Variants in TTLL8 observed in about 807,000 individuals in gnomAD.
TTLL8 encodes protein monoglycylase TTLL8.
A neutral mutation model predicts 77.8 loss-of-function variants in TTLL8; 65 were observed. That is an observed-to-expected ratio of 0.84 (90% CI 0.68 to 1.03). The LOEUF is 1.03. Ranked by LOEUF, TTLL8 falls within the 50% of genes least tolerant of loss-of-function variation. The probability of loss-of-function intolerance (pLI) is 0.00; values close to 1 mark genes in which losing one functional copy is unlikely to be tolerated. For missense variants in TTLL8, 910 were observed against 1,004.5 expected, an observed-to-expected ratio of 0.91 and a Z score of 1.27; for synonymous variants, 402 against 422.8, an observed-to-expected ratio of 0.95 and a Z score of 0.60.
intron 1 of TTLL8, 128 bp from the exon 4 acceptor site, chr22:50,050,375 CTTTT>C (rs137913): frequency 5.7e-4 from 204 of 357,012 alleles, no homozygotes; most frequent in East Asian, 1.3e-3. Context: ...CCAATATGTC[CTTTT>C]TTTTTTTTTT....
rs774988175 is a variant in TTLL8 at position 50,034,942 on chromosome 22, G to C, written c.922-480C>G. On this transcript the variant is annotated intron_variant, in intron 8 of 13. Transcript: ENST00000266182. This position sits in a 1 kb window ranked among gnomAD's most constrained non-coding sequence, Gnocchi z 4.1. Reference sequence around the variant, plus strand: ...GGCCCGTGCAGGCCTCCTGTGTCCCGGCCAGCTGCCAGCACCACATCCTGG... The same window carrying C: ...GGCCCGTGCAGGCCTCCTGTGTCCCCGCCAGCTGCCAGCACCACATCCTGG... 9.2e-5 allele frequency among the ~76,000 whole-genome samples: 14 copies of C among 152,216 alleles called. No homozygotes were observed. Among genetic ancestry groups the C allele is most frequent in the Admixed American group, 1.3e-4 (2 of 15,290 alleles).
At chr22:50,018,950 T>A (rs995987816) in intron 12 of TTLL8, among the ~76,000 whole-genome samples, 159 bp from the exon 14 acceptor site, 4 of 152,186 alleles carry the variant, frequency 2.6e-5, no homozygotes, top group African/African-American at 9.7e-5. Context: ...GAGGAATGTA[T>A]GTAGTAAATC....
chr22:50,052,071 GTC>G (rs1425183766), intron 1 of TTLL8, among the ~76,000 whole-genome samples: 1 of 151,962 alleles, frequency 6.6e-6, no homozygotes, highest in East Asian at 1.9e-4. Flanking sequence ...GGAACCCCGA[GTC>G]TGAGTCCCAG....
chr22:50,051,856 A>C (rs1281329262), intron 1 of TTLL8, among the ~76,000 whole-genome samples: 1 of 152,284 alleles, frequency 6.6e-6, no homozygotes, highest in East Asian at 1.9e-4. Context: ...ATTGAAAAAT[A>C]AGTTGATTAT....
intron 1 of TTLL8, among the ~76,000 whole-genome samples, chr22:50,051,071 A>G (rs1053151031): frequency 1.3e-5 from 2 of 152,230 alleles, no homozygotes; most frequent in Non-Finnish European, 1.5e-5. Flanking sequence ...CATGTTGGCC[A>G]GGCTGGTCTT....
chr22:50,033,377 C>T (rs368395007), exon 10 of TTLL8: 1 of 1,365,206 alleles, frequency 7.3e-7, no homozygotes, highest in Non-Finnish European at 9.8e-7. Flanking sequence ...CACTTGTTGT[C>T]CCTGGAAAGA....
chr22:50,035,818 G>C (rs2061332136), intron 8 of TTLL8, among the ~76,000 whole-genome samples: 1 of 152,224 alleles, frequency 6.6e-6, no homozygotes, highest in African/African-American at 2.4e-5. Context: ...AGGATGATCT[G>C]TGGGAAGGAA....
rs891811592 is a variant in TTLL8, at chr22:50,050,883, C to T, written c.52-636G>A. ...TAAAGTTGTAAGCCTTTAAAAAGGC[C>T]AAGAATTTCCTTTTCTGGGAGCTCA... is the stretch of plus-strand genomic sequence containing the variant. On this transcript the variant is annotated intron_variant, in intron 1 of 13. Coordinates refer to ENST00000266182, the Ensembl canonical transcript of TTLL8. Among the ~76,000 whole-genome samples the T allele has an allele frequency of 5.9e-5, 9 of 152,176 alleles. 1 individual carries two copies. The highest frequency in any genetic ancestry group is 1.0e-4 in the Non-Finnish European group (7 of 68,028).
Position 50,034,392 on chromosome 22 carries a change from C to A in TTLL8, c.992G>T (p.Trp331Leu), listed in dbSNP as rs754741616. 1 of 1,367,270 alleles carries A rather than the reference C, an allele frequency of 7.3e-7. No homozygotes were observed. The highest frequency in any genetic ancestry group is 1.5e-5 in the African/African-American group (1 of 67,874). 84.7% of individuals were successfully genotyped at this position (1,367,270 alleles called of 1,614,324 possible). ...GGACTTGGCCGCGGGCTTTATAATC[C>A]AGATGTTCCGGAGCCCGTCAATGTC... The change falls in exon 9 of 14, where the codon TGG (tryptophan) becomes TTG (leucine). Residue 331 changes from tryptophan (W) to leucine (L), a missense_variant. By Grantham distance (61) the Trp-to-Leu change is moderately conservative. This residue lies in a region of TTLL8 where 776 missense variants were observed against 926.1 expected (regional missense o/e 0.84). Transcript: ENST00000266182. The surrounding 1 kb of genome is among the most constrained non-coding windows in gnomAD (Gnocchi z 4.1).
In TTLL8 at chr22:50,034,284, G is replaced by A. The variant is rs890046854; in HGVS notation, c.1039+61C>T. 7.6e-6 allele frequency: 10 copies of A among 1,314,238 alleles called. No homozygotes were observed. Among genetic ancestry groups the A allele is most frequent in the African/African-American group, 1.5e-5 (1 of 66,572 alleles). 81.4% of individuals were successfully genotyped at this position (1,314,238 alleles called of 1,614,324 possible). A position where few individuals can be genotyped will look rare whatever the true frequency, so the allele number is the denominator to read the frequency against. The stretch of plus-strand genomic sequence containing the variant: ...GGGCCTGAAACTGTCCCTCACTCAC[G>A]GCTCCTGGCATCAAGTGTGGCCGTT... On this transcript the variant is annotated intron_variant, in intron 9 of 13. Coordinates refer to ENST00000266182, the Ensembl canonical transcript of TTLL8. The surrounding 1 kb of genome is among the most constrained non-coding windows in gnomAD (Gnocchi z 4.1).
exon 11 of TTLL8, chr22:50,031,963 C>T (rs61741134): frequency 2.2e-6 from 3 of 1,366,652 alleles, no homozygotes; most frequent in Non-Finnish European, 2.9e-6. Context: ...GTAGATGACG[C>T]TGCCCCACAC....
At chr22:50,020,361 T>C (rs2061187597) in intron 12 of TTLL8, among the ~76,000 whole-genome samples, 1 of 145,908 alleles carries the variant, frequency 6.9e-6, no homozygotes, top group East Asian at 2.0e-4. Flanking sequence ...CTCCTCCATC[T>C]GATGACGTGC....
chr22:50,021,756 C>G (rs1394626540), intron 12 of TTLL8, among the ~76,000 whole-genome samples: 7 of 134,454 alleles, frequency 5.2e-5, no homozygotes, highest in Admixed American at 3.8e-4. Flanking sequence ...CTGATGTGCA[C>G]TCCTCCATCT....
chr22:50,041,863 C>T lies in TTLL8; in HGVS notation c.644-56G>A. 1 of 1,299,974 alleles carries T rather than the reference C, an allele frequency of 7.7e-7. No individual in the cohort carries two copies. Among genetic ancestry groups the T allele is most frequent in the Non-Finnish European group, 1.0e-6 (1 of 992,062 alleles). The allele number at this position is 1,299,974 out of a possible 1,614,324, so 80.5% of individuals were successfully genotyped here. A position where few individuals can be genotyped will look rare whatever the true frequency, so the allele number is the denominator to read the frequency against. On this transcript the variant is annotated intron_variant, in intron 6 of 13. Coordinates refer to ENST00000266182, the Ensembl canonical transcript of TTLL8. The surrounding 1 kb of genome is among the most constrained non-coding windows in gnomAD (Gnocchi z 4.3). ...GAACCTCACCCAGGGGCAGCCCTGC[C>T]CGCCTCGAGGGGTGATGTCTAAAGT...
At chr22:50,020,455 C>A (rs1173117265) in intron 12 of TTLL8, among the ~76,000 whole-genome samples, 1 of 150,210 alleles carries the variant, frequency 6.7e-6, no homozygotes, top group Non-Finnish European at 1.5e-5. Context: ...ACGAAATGCA[C>A]TCCTCCATCA....
chr22:50,045,044 G>A (rs1012288891), intron 6 of TTLL8: 5 of 261,658 alleles, frequency 1.9e-5, no homozygotes, highest in Non-Finnish European at 2.4e-5. Context: ...TAACTGCCAG[G>A]TGCTTTACAA....
intron 1 of TTLL8, among the ~76,000 whole-genome samples, chr22:50,052,212 G>A (rs1009215313): frequency 6.6e-6 from 1 of 152,202 alleles, no homozygotes; most frequent in Non-Finnish European, 1.5e-5. Flanking sequence ...CGAGGCTTTG[G>A]GGAGAACGGT....
Position 50,031,720 on chromosome 22 carries a change from CA to C in TTLL8, c.1672del (p.Cys558ValfsTer32). On this transcript the variant is annotated frameshift_variant, in exon 11 of 14. Transcript: ENST00000266182. LOFTEE classifies it high-confidence loss of function. ...CAGGAGCTCGAAGTTGCCGATGTCACAGCTGCGGTCCACGGCCACCTTGATG... is the reference window on the plus strand; with the variant it reads ...CAGGAGCTCGAAGTTGCCGATGTCACGCTGCGGTCCACGGCCACCTTGATG... 5 of 1,336,042 alleles carry C rather than the reference CA, an allele frequency of 3.7e-6. No individual in the cohort carries two copies. The highest frequency in any genetic ancestry group is 5.0e-6 in the Non-Finnish European group (5 of 1,001,526). 82.8% of individuals were successfully genotyped at this position (1,336,042 alleles called of 1,614,324 possible).
At chr22:50,055,390 A>T, upstream of TTLL8, 1 of 1,205,240 alleles carries the variant, frequency 8.3e-7, no homozygotes, top group Non-Finnish European at 1.1e-6. Flanking sequence ...ACGGTGGCTC[A>T]TGCCTGTAAT....
Sources: allele counts gnomAD v4.1 joint callset (sites outside exome capture counted in the v4.1 genomes callset), GRCh38; gene constraint gnomAD v4.1.1; regional missense constraint gnomAD v4.1.1; non-coding constraint Gnocchi (gnomAD v3.1); transcripts MANE v1.5; gene names NCBI Gene and HGNC (gene_info 2026-07-23, HGNC 2026-07-21).